KIF15: variants seen among roughly 807,000 people sequenced by gnomAD.
KIF15 encodes the protein kinesin-like protein KIF15.
A neutral mutation model predicts 190.6 loss-of-function variants in KIF15; 140 were observed. The observed-to-expected ratio is 0.73, with a 90% CI of 0.64 to 0.84. KIF15 has a LOEUF of 0.84. Among genes scored for constraint, KIF15 ranks in the 40% least tolerant of loss-of-function variants. The pLI is 0.00. For synonymous variants in KIF15, 528 were observed against 551.3 expected, an observed-to-expected ratio of 0.96 and a Z score of 0.59; for missense variants, 1,372 against 1,584.4, an observed-to-expected ratio of 0.87 and a Z score of 2.28.
intron 30 of KIF15, among the ~76,000 whole-genome samples, chr3:44,847,541 G>A (rs1305422960): frequency 6.6e-6 from 1 of 152,160 alleles, no homozygotes; most frequent in Non-Finnish European, 1.5e-5. Context: ...CTGAGCAAAA[G>A]AGAGTCAAGG....
At chr3:44,775,113 A>G in intron 2 of KIF15, 141 bp from the exon 3 acceptor site, 3 of 618,998 alleles carry the variant, frequency 4.8e-6, no homozygotes, top group South Asian at 4.6e-5. Flanking sequence ...AAAAAAAAAG[A>G]GGTAAATTTG....
intron 6 of KIF15, chr3:44,861,870 G>T (rs1406691581): frequency 6.7e-7 from 1 of 1,485,694 alleles, no homozygotes; most frequent in Non-Finnish European, 8.9e-7. Flanking sequence ...ATCCAATCGC[G>T]GCGCGCGCTC....
chr3:44,778,075 C>T, intron 3 of KIF15, 40 bp from the exon 4 acceptor site: 2 of 1,554,744 alleles, frequency 1.3e-6, no homozygotes, highest in Non-Finnish European at 1.8e-6. Context: ...AAAATGTTTT[C>T]ATTTTTATGA....
intron 6 of KIF15, chr3:44,864,163 G>A (rs1422634704): frequency 6.2e-7 from 1 of 1,612,276 alleles, no homozygotes. Context: ...GCTGCCCAGG[G>A]TGGACGTGGC....
intron 5 of KIF15, among the ~76,000 whole-genome samples, chr3:44,781,507 C>T (rs1318878723): frequency 1.3e-5 from 2 of 152,112 alleles, no homozygotes; most frequent in Non-Finnish European, 2.9e-5. Flanking sequence ...TTCAACCATA[C>T]GAATAATGTT....
Position 44,767,800 on chromosome 3 carries a change from C to A in KIF15, c.19+5916C>A, listed in dbSNP as rs368177052. 2.5e-4 allele frequency among the ~76,000 whole-genome samples: 36 copies of A among 145,958 alleles called. 1 individual carries two copies. The East Asian group carries it at 4.1e-3, about 17-fold the overall frequency. The stretch of plus-strand genomic sequence containing the variant: ...GTCCCAGCTACTCCGGAGGCTGAGG[C>A]AGGAGAATGGCATGAGCCCGGGAGG... On this transcript the variant is annotated intron_variant, in intron 1 of 34. Coordinates refer to ENST00000326047, the MANE Select transcript of KIF15 (RefSeq NM_020242.3).
rs765353517 is a variant in KIF15, at chr3:44,826,024, GT to G, written c.2550-11del. On this transcript the variant is annotated splice_polypyrimidine_tract_variant and intron_variant, in intron 20 of 34. Coordinates refer to ENST00000326047, the MANE Select transcript of KIF15 (RefSeq NM_020242.3). ...AATGTTTATTTACCATTTTTAAAAT[GT>G]TTTCCTTATAAAGGTTAGAAAACGA... 6.4e-7 allele frequency: 1 copy of G among 1,568,594 alleles called. No individual in the cohort carries two copies. The highest frequency in any genetic ancestry group is 8.6e-7 in the Non-Finnish European group (1 of 1,164,220).
intron 1 of KIF15, among the ~76,000 whole-genome samples, chr3:44,773,219 G>A (rs541986303): frequency 2.3e-4 from 35 of 152,260 alleles, no homozygotes; most frequent in Middle Eastern, 6.8e-3. Flanking sequence ...TAAATGCAGG[G>A]CTTGAAAGAT....
chr3:44,795,615 G>C (rs373107587), intron 8 of KIF15, among the ~76,000 whole-genome samples: 5 of 152,074 alleles, frequency 3.3e-5, no homozygotes, highest in African/African-American at 1.2e-4. Context: ...TAAGTATCTA[G>C]TCCTAGGCTA....
intron 25 of KIF15, 71 bp from the exon 26 acceptor site, chr3:44,830,824 AC>A: frequency 6.7e-7 from 1 of 1,485,696 alleles, no homozygotes; most frequent in Non-Finnish European, 9.2e-7. Context: ...TGGAACCCAG[AC>A]TCATTCTTGT....
At chr3:44,781,042 A>T (rs1423785453) in intron 5 of KIF15, 120 bp downstream of exon 5, 3 of 732,012 alleles carry the variant, frequency 4.1e-6, no homozygotes, top group Non-Finnish European at 6.8e-6. Flanking sequence ...AATTAGGGAA[A>T]TTCCCTAGGC....
At chr3:44,836,120 G>A (rs1362570874) in intron 26 of KIF15, among the ~76,000 whole-genome samples, 1 of 152,160 alleles carries the variant, frequency 6.6e-6, no homozygotes, top group Non-Finnish European at 1.5e-5. Context: ...GCCAAGGCAG[G>A]TGGATCACTT....
chr3:44,846,771 CAAAA>C (rs765234089), intron 30 of KIF15, among the ~76,000 whole-genome samples: 7 of 67,816 alleles, frequency 1.0e-4, no homozygotes, highest in South Asian at 5.2e-4. Context: ...GACTCTGTCT[CAAAA>C]AAAAAAAAAA....
chr3:44,864,479 G>A (rs928986151), intron 6 of KIF15: 5 of 995,462 alleles, frequency 5.0e-6, no homozygotes, highest in Middle Eastern at 5.1e-4. Context: ...TTGACCCCTG[G>A]ATGAGTGCTC....
intron 26 of KIF15, among the ~76,000 whole-genome samples, chr3:44,837,079 C>G (rs1461575484): frequency 6.6e-6 from 1 of 152,098 alleles, no homozygotes; most frequent in African/African-American, 2.4e-5. Flanking sequence ...AACTTTCTTA[C>G]GTTTTAAGAC....
chr3:44,842,816 G>C (rs550805032), intron 29 of KIF15, among the ~76,000 whole-genome samples: 2 of 152,122 alleles, frequency 1.3e-5, no homozygotes, highest in Non-Finnish European at 2.9e-5. Flanking sequence ...AAATAGAATC[G>C]AATAGTTGAG....
intron 7 of KIF15, among the ~76,000 whole-genome samples, chr3:44,789,691 T>TATATATAA (rs1200236750): frequency 2.7e-5 from 3 of 109,768 alleles, no homozygotes; most frequent in African/African-American, 1.1e-4. Flanking sequence ...TATATATATA[T>TATATATAA]AAAATAGATA....
intron 10 of KIF15, 22 bp from the exon 11 acceptor site, chr3:44,800,292 T>C (rs1411346440): frequency 1.9e-6 from 3 of 1,611,918 alleles, no homozygotes; most frequent in Non-Finnish European, 2.5e-6. Context: ...ATTTTAATGC[T>C]TTTTAAAAAA....
Position 44,813,320 on chromosome 3 carries a change from T to G in KIF15, c.2383+140T>G, listed in dbSNP as rs1575629604. 21 of 546,392 alleles carry G rather than the reference T, an allele frequency of 3.8e-5. No individual in the cohort carries two copies. In the East Asian group the frequency reaches 7.0e-4, roughly 18 times the overall value. 33.8% of individuals were successfully genotyped at this position (546,392 alleles called of 1,614,324 possible). On this transcript the variant is annotated intron_variant, in intron 19 of 34. Transcript: ENST00000326047. ...TGTTTGTTTGATAACCAGACTGCAG[T>G]TTGCATGCAGTGGTAAGTAACAGTA... is the stretch of plus-strand genomic sequence containing the variant.
Sources: gnomAD v4.1 joint callset for allele counts (sites outside exome capture counted in the v4.1 genomes callset) on GRCh38, gnomAD v4.1.1 for gene constraint, MANE v1.5 for transcripts, NCBI Gene and HGNC (gene_info 2026-07-23, HGNC 2026-07-21) for gene names.